CGB7: variants seen among roughly 807,000 people sequenced by gnomAD.
The protein encoded by CGB7 is choriogonadotropin subunit beta 7.
CGB7 carries 6 observed loss-of-function variants against 7.3 expected under a neutral mutation model. That is an observed-to-expected ratio of 0.82 (90% CI 0.45 to 1.62). The LOEUF is 1.62. Among genes scored for constraint, CGB7 ranks in the 40% most tolerant of loss-of-function variants. The pLI is 0.01. For missense variants in CGB7, 114 were observed against 236.2 expected (o/e 0.48, Z 3.39); for synonymous variants, 47 against 100.8 (o/e 0.47, Z 3.20).
Position 49,055,804 on chromosome 19 carries a change from G to T in CGB7, c.-429C>A. 1 of 1,098,916 alleles carries T rather than the reference G, an allele frequency of 9.1e-7. No homozygotes were observed. The highest frequency in any genetic ancestry group is 1.1e-6 in the Non-Finnish European group (1 of 896,082). The allele number at this position is 1,098,916 out of a possible 1,614,324, so 68.1% of individuals were successfully genotyped here. ...ACCACAGTCCAACCTAACAGGAGGGGCGCGGCTTCGGACTTAGCTTCTGCC... is the reference window on the plus strand; with the variant it reads ...ACCACAGTCCAACCTAACAGGAGGGTCGCGGCTTCGGACTTAGCTTCTGCC... On this transcript the variant is annotated 5_prime_UTR_variant, in exon 3 of 5. Coordinates refer to ENST00000684222, the MANE Select transcript of CGB7 (RefSeq NM_001385261.1).
rs1431012248 is a variant in CGB7, at chr19:49,056,382, C to T, written c.-1007G>A. ...CAGTGGGGGCCACCCCAAGTCGCCTCCAGCGGGCGGAAGCGGTCGAGCCGG... is the reference window on the plus strand; with the variant it reads ...CAGTGGGGGCCACCCCAAGTCGCCTTCAGCGGGCGGAAGCGGTCGAGCCGG... On this transcript the variant is annotated 5_prime_UTR_variant, in exon 3 of 5. Transcript: ENST00000684222. 2 of 1,295,604 alleles carry T rather than the reference C, an allele frequency of 1.5e-6. No homozygotes were observed. The highest frequency in any genetic ancestry group is 1.0e-6 in the Non-Finnish European group (1 of 992,518). 80.3% of individuals were successfully genotyped at this position (1,295,604 alleles called of 1,614,324 possible).
Position 49,057,592 on chromosome 19 carries a change from G to A in CGB7, c.-1479C>T. 8.6e-7 allele frequency: 1 copy of A among 1,163,696 alleles called. No homozygotes were observed. Among genetic ancestry groups the A allele is most frequent in the Non-Finnish European group, 1.1e-6 (1 of 938,816 alleles). The allele number at this position is 1,163,696 out of a possible 1,614,324, so 72.1% of individuals were successfully genotyped here. A position where few individuals can be genotyped will look rare whatever the true frequency, so the allele number is the denominator to read the frequency against. On this transcript the variant is annotated 5_prime_UTR_variant, in exon 1 of 5. Coordinates refer to ENST00000684222, the MANE Select transcript of CGB7 (RefSeq NM_001385261.1). ...GGCCACTGGAGCTGAGCTGCATCTT[G>A]GGCAACAACTCCAGGTTACCTCTCC...
Position 49,055,679 on chromosome 19 carries a change from C to A in CGB7, c.-304G>T. ...AGAGAGTAGGGTGTAGGAAGGCCTG[C>A]CTCTGCCTATGGTGGGGTCTTGGGA... On this transcript the variant is annotated 5_prime_UTR_variant, in exon 3 of 5. Coordinates refer to ENST00000684222, the MANE Select transcript of CGB7 (RefSeq NM_001385261.1). 7.5e-7 allele frequency: 1 copy of A among 1,341,364 alleles called. No individual in the cohort carries two copies. The highest frequency in any genetic ancestry group is 9.6e-7 in the Non-Finnish European group (1 of 1,041,642). The allele number at this position is 1,341,364 out of a possible 1,614,324, so 83.1% of individuals were successfully genotyped here.
At chr19:49,057,382 C>G (rs2040079372) in intron 1 of CGB7, 80 bp downstream of exon 1, 2 of 1,421,058 alleles carry the variant, frequency 1.4e-6, no homozygotes, top group Non-Finnish European at 1.8e-6. Context: ...ACACCCCGCC[C>G]CAGGGTCAGA....
rs2040052499 is a variant in CGB7 at position 49,055,757 on chromosome 19, C to T, written c.-382G>A. The T allele has an allele frequency of 1.7e-6, 2 of 1,170,358 alleles. No homozygotes were observed. Among genetic ancestry groups the T allele is most frequent in the African/African-American group, 1.6e-5 (1 of 63,614 alleles). 72.5% of individuals were successfully genotyped at this position (1,170,358 alleles called of 1,614,324 possible). On this transcript the variant is annotated 5_prime_UTR_variant, in exon 3 of 5. Transcript: ENST00000684222. Reference sequence around the variant, plus strand: ...GGTGCTGGACTGAAGCCTCAACCCTCCTCTACTTGAGCCATTCCTGCACCA... The same window carrying T: ...GGTGCTGGACTGAAGCCTCAACCCTTCTCTACTTGAGCCATTCCTGCACCA...
chr19:49,056,147 G>T lies in CGB7; in HGVS notation c.-772C>A. 1 of 1,219,784 alleles carries T rather than the reference G, an allele frequency of 8.2e-7. No individual in the cohort carries two copies. The highest frequency in any genetic ancestry group is 1.1e-6 in the Non-Finnish European group (1 of 952,184). 75.6% of individuals were successfully genotyped at this position (1,219,784 alleles called of 1,614,324 possible). On this transcript the variant is annotated 5_prime_UTR_variant, in exon 3 of 5. Transcript: ENST00000684222. ...TCTGGGCTAGTCCTGTCCCCACACTGCGGATAGACTTAATGAGTGCGAGCC... is the reference window on the plus strand; with the variant it reads ...TCTGGGCTAGTCCTGTCCCCACACTTCGGATAGACTTAATGAGTGCGAGCC...
chr19:49,057,542 C>G lies in CGB7; in HGVS notation c.-1429G>C. On this transcript the variant is annotated 5_prime_UTR_variant, in exon 1 of 5. Transcript: ENST00000684222. ...CACCACAAAATCCCCCTGGTTCTGC[C>G]CCCGGTCTCAAGCCTTCTTGGTGTG... 8.3e-7 allele frequency: 1 copy of G among 1,207,552 alleles called. No homozygotes were observed. Among genetic ancestry groups the G allele is most frequent in the Non-Finnish European group, 1.0e-6 (1 of 963,516 alleles). The allele number at this position is 1,207,552 out of a possible 1,614,324, so 74.8% of individuals were successfully genotyped here.
chr19:49,056,658 C>A (rs768685782), intron 2 of CGB7, 63 bp from the exon 3 acceptor site: 106 of 1,197,302 alleles, frequency 8.9e-5, no homozygotes, highest in Non-Finnish European at 1.1e-4. Context: ...TTTCAGACCT[C>A]GGGATCTAAG....
chr19:49,055,324 A>G (rs1348543625), intron 3 of CGB7, 37 bp downstream of exon 3: 1 of 1,611,408 alleles, frequency 6.2e-7, no homozygotes, highest in Non-Finnish European at 8.5e-7. Context: ...ATGGCCTGGA[A>G]GGAGGTGGAA....
rs185485728 is a variant in CGB7 at position 49,056,287 on chromosome 19, A to C, written c.-912T>G. On this transcript the variant is annotated 5_prime_UTR_variant, in exon 3 of 5. Coordinates refer to ENST00000684222, the MANE Select transcript of CGB7 (RefSeq NM_001385261.1). ...GGCAGGCTCCCACTAGCCCCGGCTT[A>C]CAGCGGCCTGAGCGGGAGTTCTCGG... 3.7e-3 allele frequency: 4,810 copies of C among 1,291,778 alleles called. 37 individuals are homozygous for C. Among genetic ancestry groups the C allele is most frequent in the South Asian group, 0.018 (1,456 of 81,696 alleles). 80.0% of individuals were successfully genotyped at this position (1,291,778 alleles called of 1,614,324 possible).
At position 49,056,280 on chromosome 19, in the gene CGB7, C is replaced by G. The variant is rs1304203380; in HGVS notation, c.-905G>C. 1.9e-5 allele frequency: 24 copies of G among 1,291,266 alleles called. No homozygotes were observed. The highest frequency in any genetic ancestry group is 2.2e-5 in the Non-Finnish European group (22 of 989,862). The allele number at this position is 1,291,266 out of a possible 1,614,324, so 80.0% of individuals were successfully genotyped here. On this transcript the variant is annotated 5_prime_UTR_variant, in exon 3 of 5. Coordinates refer to ENST00000684222, the MANE Select transcript of CGB7 (RefSeq NM_001385261.1). ...CTGGCCCGGCAGGCTCCCACTAGCC[C>G]CGGCTTACAGCGGCCTGAGCGGGAG...
rs2040051817 is a variant in CGB7, at chr19:49,055,725, C to T, written c.-350G>A. 4 of 1,259,292 alleles carry T rather than the reference C, an allele frequency of 3.2e-6. No individual in the cohort carries two copies. The highest frequency in any genetic ancestry group is 1.9e-5 in the South Asian group (1 of 53,490). 78.0% of individuals were successfully genotyped at this position (1,259,292 alleles called of 1,614,324 possible). A position where few individuals can be genotyped will look rare whatever the true frequency, so the allele number is the denominator to read the frequency against. On this transcript the variant is annotated 5_prime_UTR_variant, in exon 3 of 5. Transcript: ENST00000684222. The stretch of plus-strand genomic sequence containing the variant: ...TGGGAACCAGGAGGAGGCCGTGACC[C>T]GAGAAAGGTGCTGGACTGAAGCCTC...
rs935833720 is a variant in CGB7 at position 49,055,676 on chromosome 19, C to T, written c.-301G>A. 4.5e-6 allele frequency: 6 copies of T among 1,345,022 alleles called. No homozygotes were observed. The African/African-American group carries it at 8.8e-5, about 20-fold the overall frequency. The allele number at this position is 1,345,022 out of a possible 1,614,324, so 83.3% of individuals were successfully genotyped here. A position where few individuals can be genotyped will look rare whatever the true frequency, so the allele number is the denominator to read the frequency against. On this transcript the variant is annotated 5_prime_UTR_variant, in exon 3 of 5. Coordinates refer to ENST00000684222, the MANE Select transcript of CGB7 (RefSeq NM_001385261.1). ...CACAGAGAGTAGGGTGTAGGAAGGCCTGCCTCTGCCTATGGTGGGGTCTTG... is the reference window on the plus strand; with the variant it reads ...CACAGAGAGTAGGGTGTAGGAAGGCTTGCCTCTGCCTATGGTGGGGTCTTG...
rs1267031944 is a variant in CGB7, at chr19:49,056,222, G to C, written c.-847C>G. The stretch of plus-strand genomic sequence containing the variant: ...GAGCGGCTGCCCAGAGCTCTGCTCC[G>C]CCCCCACGCCAGGGGGCGTGTCTGG... On this transcript the variant is annotated 5_prime_UTR_variant, in exon 3 of 5. Transcript: ENST00000684222. 3.9e-6 allele frequency: 5 copies of C among 1,286,758 alleles called. No homozygotes were observed. The highest frequency in any genetic ancestry group is 2.1e-4 in the Middle Eastern group (1 of 4,706). 79.7% of individuals were successfully genotyped at this position (1,286,758 alleles called of 1,614,324 possible).
At chr19:49,057,078 G>T in intron 2 of CGB7, 43 bp downstream of exon 2, 2 of 1,522,766 alleles carry the variant, frequency 1.3e-6, no homozygotes, top group Non-Finnish European at 1.8e-6. Flanking sequence ...CGGCCATGGC[G>T]GGGGCTGTGC....
At position 49,055,788 on chromosome 19, in the gene CGB7, C is replaced by T; in HGVS notation, c.-413G>A. On this transcript the variant is annotated 5_prime_UTR_variant, in exon 3 of 5. Transcript: ENST00000684222. ...CTTGAGCCATTCCTGCACCACAGTC[C>T]AACCTAACAGGAGGGGCGCGGCTTC... is the stretch of plus-strand genomic sequence containing the variant. 3.6e-6 allele frequency: 4 copies of T among 1,120,710 alleles called. No homozygotes were observed. Among genetic ancestry groups the T allele is most frequent in the South Asian group, 2.5e-5 (1 of 40,636 alleles). The allele number at this position is 1,120,710 out of a possible 1,614,324, so 69.4% of individuals were successfully genotyped here.
chr19:49,054,445 C>G lies in CGB7; in HGVS notation c.344G>C (p.Arg115Pro), dbSNP rs529178424. The G allele has an allele frequency of 1.3e-6, 2 of 1,594,274 alleles. No individual in the cohort carries two copies. The highest frequency in any genetic ancestry group is 1.7e-6 in the Non-Finnish European group (2 of 1,170,246). ...ALSCQCALCR[R>P]STTDCGGPKD... ...GGGACCCCCGCAGTCAGTGGTGCTG[C>G]GGCGGCAGAGTGCACATTGACAGCT... Residue 115 changes from arginine to proline, a missense_variant, in exon 5 of 5, where the codon CGC (arginine) becomes CCC (proline). Transcript: ENST00000684222.
rs116050304 is a variant in CGB7, at chr19:49,055,419, G to A, written c.-44C>T. ...CTGGTGTACCTGGCTTTATACCTCG[G>A]GTTTGTGGGGGCGTCAAGGCCACCA... On this transcript the variant is annotated 5_prime_UTR_variant, in exon 3 of 5. Transcript: ENST00000684222. 1.1e-5 allele frequency: 17 copies of A among 1,606,534 alleles called. No homozygotes were observed. The African/African-American group carries it at 2.1e-4, about 20-fold the overall frequency.
chr19:49,056,973 G>C (rs2040073515), intron 2 of CGB7, 148 bp downstream of exon 2: 1 of 844,024 alleles, frequency 1.2e-6, no homozygotes, highest in Non-Finnish European at 1.8e-6. Flanking sequence ...AAGAGGGAGG[G>C]GCTGGGGTCT....
Sources: gnomAD v4.1 joint callset for allele counts on GRCh38, gnomAD v4.1.1 for gene constraint, MANE v1.5 for transcripts, NCBI Gene and HGNC (gene_info 2026-07-23, HGNC 2026-07-21) for gene names.